The following RABGAP1L variants were observed in gnomAD, a reference collection of about 807,000 sequenced individuals.
RABGAP1L encodes the protein rab GTPase-activating protein 1-like.
Under a neutral mutation model 137.7 loss-of-function variants are expected in RABGAP1L, and 63 were observed. The ratio of observed to expected loss-of-function variants is 0.46; its 90% CI spans 0.37 to 0.56. RABGAP1L has a LOEUF of 0.56. Ranked by LOEUF, RABGAP1L falls within the 20% of genes least tolerant of loss-of-function variation. The pLI, the probability that RABGAP1L is intolerant of heterozygous loss-of-function variation, is 0.00. For missense variants in RABGAP1L, 1,095 were observed against 1,244.0 expected (o/e 0.88, Z 1.80); for synonymous variants, 431 against 433.7 (o/e 0.99, Z 0.08).
At chr1:174,528,987 C>G (rs1376433123) in intron 13 of RABGAP1L, among the ~76,000 whole-genome samples, 1 of 145,020 alleles carries the variant, frequency 6.9e-6, no homozygotes, top group Non-Finnish European at 1.5e-5. Flanking sequence ...GAACTTTTGT[C>G]TGGTTCTTTT....
intron 10 of RABGAP1L, among the ~76,000 whole-genome samples, chr1:174,295,486 C>T (rs1417535125): frequency 1.3e-5 from 2 of 151,706 alleles, no homozygotes; most frequent in Non-Finnish European, 2.9e-5. Flanking sequence ...TGGGTTCAAG[C>T]GATTCTCTTG....
intron 19 of RABGAP1L, among the ~76,000 whole-genome samples, chr1:174,925,876 G>GTTTTTTTTTTTTTTT: frequency 9.2e-6 from 1 of 108,672 alleles, no homozygotes; most frequent in Non-Finnish European, 2.0e-5. Flanking sequence ...TTTTGTTTTT[G>GTTTTTTTTTTTTTTT]TTTTTTTTTT....
chr1:174,597,925 C>G (rs905774136), intron 13 of RABGAP1L, among the ~76,000 whole-genome samples: 6 of 152,120 alleles, frequency 3.9e-5, no homozygotes, highest in African/African-American at 1.4e-4. Context: ...CATTCAGCAG[C>G]ATAGTGTTTA....
intron 3 of RABGAP1L, among the ~76,000 whole-genome samples, chr1:174,227,551 TA>T (rs1405464551): frequency 1.3e-5 from 2 of 152,172 alleles, no homozygotes; most frequent in African/African-American, 2.4e-5. Context: ...TAAGTGTACT[TA>T]CTCTCTTGCT....
At chr1:174,881,355 G>A (rs1573640915) in intron 19 of RABGAP1L, among the ~76,000 whole-genome samples, 1 of 151,946 alleles carries the variant, frequency 6.6e-6, no homozygotes, top group East Asian at 1.9e-4. Flanking sequence ...AGATCTTGGG[G>A]TATTATAAAA....
intron 15 of RABGAP1L, among the ~76,000 whole-genome samples, chr1:174,693,262 T>C (rs902861446): frequency 5.3e-5 from 8 of 152,236 alleles, no homozygotes; most frequent in Admixed American, 2.6e-4. Flanking sequence ...AATACATTCC[T>C]AACTCTTTAT....
Position 174,231,273 on chromosome 1 carries a change from G to A in RABGAP1L, c.460G>A (p.Ala154Thr), listed in dbSNP as rs1327999352. Residue 154 changes from alanine to threonine, a missense_variant, in exon 4 of 26, where the codon GCA becomes ACA. Ala to Thr is a moderately conservative substitution (Grantham distance 58, BLOSUM62 0). Around this residue, in one of 4 missense-constraint regions of RABGAP1L, gnomAD observed 356 missense variants for 326.3 expected, o/e 1.09. Transcript: ENST00000681986. ...ACGTAATGAAGTAGAGGCTTTACGG[G>A]CAATGGCAACCATGAAATCTTCCAG... ...SPRNEVEALRAMATMKSSSQY... is the reference protein window; with the variant it reads ...SPRNEVEALRTMATMKSSSQY... 6.2e-7 allele frequency: 1 copy of A among 1,613,970 alleles called. No homozygotes were observed. Among genetic ancestry groups the A allele is most frequent in the Non-Finnish European group, 8.5e-7 (1 of 1,180,026 alleles).
rs531123725 is a variant in RABGAP1L, at chr1:174,971,945, C to T, written c.2544+2558C>T. 3.3e-5 allele frequency among the ~76,000 whole-genome samples: 5 copies of T among 152,342 alleles called. No individual in the cohort carries two copies. The South Asian group carries it at 1.0e-3, about 32-fold the overall frequency. ...AATTAGGTTCTTTGCAAAAATAAAT[C>T]ATTTCTTACTCTGACCATTTTAGTG... On this transcript the variant is annotated intron_variant, in intron 21 of 25. Coordinates refer to ENST00000681986, the MANE Select transcript of RABGAP1L (RefSeq NM_001366446.1).
intron 13 of RABGAP1L, among the ~76,000 whole-genome samples, chr1:174,550,923 T>C (rs796986799): frequency 1.8e-3 from 97 of 53,152 alleles, no homozygotes; most frequent in East Asian, 5.5e-3. Flanking sequence ...CACACACACA[T>C]ATATATATAC....
intron 11 of RABGAP1L, among the ~76,000 whole-genome samples, chr1:174,366,394 A>C (rs1012595767): frequency 3.9e-5 from 6 of 152,216 alleles, no homozygotes; most frequent in African/African-American, 1.4e-4. Flanking sequence ...CTATGGGACA[A>C]CTTTGTAAAT....
chr1:174,874,028 A>C (rs559351375), intron 19 of RABGAP1L, among the ~76,000 whole-genome samples: 1 of 152,324 alleles, frequency 6.6e-6, no homozygotes, highest in African/African-American at 2.4e-5. Context: ...TTTTGTTAAA[A>C]AGAACAGTTC....
At chr1:174,219,058 C>T in intron 1 of RABGAP1L, 67 bp from the exon 2 acceptor site, 1 of 1,189,738 alleles carries the variant, frequency 8.4e-7, no homozygotes, top group Non-Finnish European at 1.2e-6. Flanking sequence ...TTTATTAGTT[C>T]ATGTTTTTAA....
intron 14 of RABGAP1L, among the ~76,000 whole-genome samples, chr1:174,645,085 A>C (rs1354091256): frequency 6.6e-6 from 1 of 152,138 alleles, no homozygotes; most frequent in Non-Finnish European, 1.5e-5. Context: ...ACAAACAAAA[A>C]AAAGTACGTG....
At chr1:174,964,770 G>T in intron 20 of RABGAP1L, 1 of 1,338,510 alleles carries the variant, frequency 7.5e-7, no homozygotes, top group Non-Finnish European at 9.7e-7. Context: ...GCTACCTCAA[G>T]TATCTTTGTT....
At chr1:174,397,991 A>G (rs979917171) in intron 13 of RABGAP1L, among the ~76,000 whole-genome samples, 4 of 152,200 alleles carry the variant, frequency 2.6e-5, no homozygotes, top group Non-Finnish European at 5.9e-5. Flanking sequence ...TAGCAAAAAG[A>G]TACAAATCTG....
At chr1:174,854,275 T>C (rs973198361) in intron 19 of RABGAP1L, among the ~76,000 whole-genome samples, 1 of 152,212 alleles carries the variant, frequency 6.6e-6, no homozygotes, top group African/African-American at 2.4e-5. Context: ...TTTTTGTTCA[T>C]TGACTTCATG....
At chr1:174,642,712 T>C (rs1171985772) in intron 14 of RABGAP1L, among the ~76,000 whole-genome samples, 4 of 142,718 alleles carry the variant, frequency 2.8e-5, no homozygotes, top group Non-Finnish European at 4.6e-5. Context: ...TCTTTTCTTT[T>C]TCTCTCTCTC....
intron 11 of RABGAP1L, among the ~76,000 whole-genome samples, chr1:174,329,029 C>G (rs1483744698): frequency 1.5e-5 from 2 of 132,564 alleles, no homozygotes; most frequent in African/African-American, 7.2e-5. Context: ...GAAATAAAGA[C>G]TTAAAAATAC....
In RABGAP1L at chr1:174,637,475, A is replaced by T; in HGVS notation, c.1811A>T (p.Tyr604Phe). ...DTGGDGQESL[Y>F]KICKAYSVYD... ...GGAGGAGATGGTCAAGAATCGCTCT[A>T]TAAGATCTGCAAGGTAGGACTCTCT... Residue 604 changes from tyrosine (Y) to phenylalanine (F), a missense_variant, in exon 14 of 26, where the codon TAT becomes TTT. Physicochemically the swap from Tyr to Phe is conservative, Grantham distance 22. Transcript: ENST00000681986. The T allele has an allele frequency of 6.2e-7, 1 of 1,601,070 alleles. No individual in the cohort carries two copies.
Sources: allele counts gnomAD v4.1 joint callset (sites outside exome capture counted in the v4.1 genomes callset), GRCh38; gene constraint gnomAD v4.1.1; regional missense constraint gnomAD v4.1.1; transcripts MANE v1.5; gene names NCBI Gene and HGNC (gene_info 2026-07-23, HGNC 2026-07-21).